The following STK32B variants were observed in gnomAD, a reference collection of about 807,000 sequenced individuals.
STK32B encodes serine/threonine kinase 32B, also known as serine/threonine-protein kinase 32B.
In STK32B, 43 loss-of-function variants were observed where a neutral mutation model predicts 52.6. The ratio of observed to expected loss-of-function variants is 0.82; its 90% CI spans 0.64 to 1.05. STK32B has a LOEUF of 1.05. Among genes scored for constraint, STK32B ranks in the 50% least tolerant of loss-of-function variants. The pLI, the probability that STK32B is intolerant of heterozygous loss-of-function variation, is 0.00. For missense variants in STK32B, 621 were observed against 534.6 expected (o/e 1.16, Z -1.59); for synonymous variants, 238 against 204.3 (o/e 1.17, Z -1.41).
chr4:5,117,770 C>G (rs1330857917), intron 1 of STK32B, among the ~76,000 whole-genome samples: 1 of 151,954 alleles, frequency 6.6e-6, no homozygotes, highest in Non-Finnish European at 1.5e-5. Flanking sequence ...ATCAAATACA[C>G]TAGTTTTTTC....
chr4:5,046,630 A>G (rs1301472102), upstream of STK32B, among the ~76,000 whole-genome samples: 1 of 152,250 alleles, frequency 6.6e-6, no homozygotes, highest in Admixed American at 6.5e-5. Context: ...AGGAACTTAA[A>G]TAAATTTACA....
chr4:5,175,352 G>A (rs1018814445), intron 3 of STK32B, among the ~76,000 whole-genome samples: 15 of 152,178 alleles, frequency 9.9e-5, no homozygotes, highest in Non-Finnish European at 2.9e-5. Flanking sequence ...GTGAGGAGCT[G>A]CGTTCCTTTG....
chr4:5,464,488 G>A (rs1488842498), intron 9 of STK32B, among the ~76,000 whole-genome samples: 1 of 152,222 alleles, frequency 6.6e-6, no homozygotes, highest in Non-Finnish European at 1.5e-5. Context: ...GAGGGTGAGG[G>A]CCGCGAAGTG....
At chr4:5,383,509 C>A (rs1286608565) in intron 4 of STK32B, among the ~76,000 whole-genome samples, 1 of 152,204 alleles carries the variant, frequency 6.6e-6, no homozygotes, top group Non-Finnish European at 1.5e-5. Flanking sequence ...CCATTGTGAG[C>A]CAGCTCAGAT....
At chr4:5,487,533 C>A (rs760167004) in intron 11 of STK32B, among the ~76,000 whole-genome samples, 1 of 152,108 alleles carries the variant, frequency 6.6e-6, no homozygotes, top group Non-Finnish European at 1.5e-5. Flanking sequence ...CTGGGTGAGA[C>A]GTGTTGTAGC....
intron 1 of STK32B, among the ~76,000 whole-genome samples, chr4:5,064,732 T>C: frequency 1.1e-5 from 1 of 94,160 alleles, no homozygotes; most frequent in Non-Finnish European, 1.9e-5. Flanking sequence ...TATATAAATA[T>C]ATACTTATAT....
intron 7 of STK32B, among the ~76,000 whole-genome samples, chr4:5,455,179 A>G (rs944059425): frequency 6.6e-6 from 1 of 152,088 alleles, no homozygotes; most frequent in South Asian, 2.1e-4. Flanking sequence ...GTGTCCCTTC[A>G]CTCCAGGGAA....
intron 4 of STK32B, among the ~76,000 whole-genome samples, chr4:5,390,867 A>G (rs1736553490): frequency 6.6e-6 from 1 of 151,902 alleles, no homozygotes; most frequent in South Asian, 2.1e-4. Context: ...GGTCTCAGGC[A>G]ATCTGTGCTA....
the STK32B span, among the ~76,000 whole-genome samples, chr4:5,032,843 T>C: frequency 6.6e-6 from 1 of 152,134 alleles, no homozygotes; most frequent in African/African-American, 2.4e-5. Context: ...TTTTCTGTCC[T>C]TTAGAGGCCC....
At chr4:5,471,250 C>A (rs193219921) in intron 11 of STK32B, among the ~76,000 whole-genome samples, 1 of 152,152 alleles carries the variant, frequency 6.6e-6, no homozygotes. Flanking sequence ...AGAATGTGAC[C>A]TTATTTGGAA....
the STK32B span, among the ~76,000 whole-genome samples, chr4:5,041,833 C>T: frequency 6.6e-6 from 1 of 151,326 alleles, no homozygotes; most frequent in East Asian, 1.9e-4. Context: ...ATGCACAATG[C>T]TGCCAAACAG....
chr4:5,347,321 T>TAAATAAA, intron 4 of STK32B, among the ~76,000 whole-genome samples: 1 of 152,312 alleles, frequency 6.6e-6, no homozygotes, highest in East Asian at 1.9e-4. Flanking sequence ...CTTTGGTTTA[T>TAAATAAA]TTTCTATAAA....
At chr4:5,267,283 T>C (rs1399409901) in intron 3 of STK32B, among the ~76,000 whole-genome samples, 1 of 152,180 alleles carries the variant, frequency 6.6e-6, no homozygotes, top group African/African-American at 2.4e-5. Flanking sequence ...TTGACATGCT[T>C]TTAAATTCAG....
intron 4 of STK32B, among the ~76,000 whole-genome samples, chr4:5,387,656 C>T (rs1736344369): frequency 6.6e-6 from 1 of 152,224 alleles, no homozygotes; most frequent in Admixed American, 6.5e-5. Flanking sequence ...CTGCCCCTAA[C>T]ATCTCTGCCC....
At chr4:5,430,163 A>T (rs112853833) in intron 6 of STK32B, among the ~76,000 whole-genome samples, 2 of 152,144 alleles carry the variant, frequency 1.3e-5, no homozygotes, top group African/African-American at 4.8e-5. Context: ...ATCTCTGCAA[A>T]TATATATATT....
intron 3 of STK32B, among the ~76,000 whole-genome samples, chr4:5,174,846 C>T (rs1183714317): frequency 1.3e-5 from 2 of 152,140 alleles, no homozygotes; most frequent in African/African-American, 4.8e-5. Context: ...TGAATGTTGG[C>T]CTGCCTTGCT....
At chr4:5,197,451 C>A (rs529667741) in intron 3 of STK32B, among the ~76,000 whole-genome samples, 1 of 152,350 alleles carries the variant, frequency 6.6e-6, no homozygotes, top group South Asian at 2.1e-4. Context: ...ACCACCCAGT[C>A]CTTCAGTCTG....
chr4:5,449,049 G>A (rs1054176292), intron 7 of STK32B, among the ~76,000 whole-genome samples: 1 of 152,178 alleles, frequency 6.6e-6, no homozygotes, highest in Non-Finnish European at 1.5e-5. Context: ...AGGAAAGAAA[G>A]TCATAGTGGA....
chr4:5,393,818 C>T (rs950015712), intron 4 of STK32B, among the ~76,000 whole-genome samples: 3 of 152,130 alleles, frequency 2.0e-5, no homozygotes, highest in African/African-American at 7.2e-5. Context: ...CCCAGGGCAG[C>T]GTTCTCCTGT....
Sources: gnomAD v4.1 joint callset for allele counts (sites outside exome capture counted in the v4.1 genomes callset) on GRCh38, gnomAD v4.1.1 for gene constraint, MANE v1.5 for transcripts, NCBI Gene and HGNC (gene_info 2026-07-23, HGNC 2026-07-21) for gene names.